CACNA1H: variants seen among roughly 807,000 people sequenced by gnomAD.
The protein encoded by CACNA1H is voltage-dependent T-type calcium channel subunit alpha-1H.
Under a neutral mutation model 192.5 loss-of-function variants are expected in CACNA1H, and 149 were observed. That is an observed-to-expected ratio of 0.77 (90% CI 0.68 to 0.89). The LOEUF is 0.89. Among genes scored for constraint, CACNA1H ranks in the 40% least tolerant of loss-of-function variants. CACNA1H has a pLI of 0.00. For synonymous variants in CACNA1H, 2,202 were observed against 1,475.2 expected (o/e 1.49, Z -11.29); for missense variants, 4,257 against 3,423.5 (o/e 1.24, Z -6.08).
chr16:1,179,437 C>A (rs1965241611), intron 2 of CACNA1H, among the ~76,000 whole-genome samples: 1 of 152,136 alleles, frequency 6.6e-6, no homozygotes, highest in Admixed American at 6.5e-5. Flanking sequence ...AGTGGCTGTT[C>A]CGTCCTCCTC....
intron 5 of CACNA1H, 126 bp from the exon 6 acceptor site, chr16:1,198,487 CAG>C (rs1967267677): frequency 2.1e-6 from 2 of 968,144 alleles, no homozygotes; most frequent in South Asian, 1.4e-5. Flanking sequence ...TGGCCCGAGT[CAG>C]TGTGCAGTGG....
chr16:1,217,109 T>TG (rs1487701342), intron 31 of CACNA1H, 99 bp downstream of exon 31: 1 of 1,077,966 alleles, frequency 9.3e-7, no homozygotes, highest in African/African-American at 1.6e-5. Flanking sequence ...GCAAATAGCG[T>TG]GGGGCCTGAT....
At chr16:1,201,179 G>A (rs908779269) in intron 8 of CACNA1H, among the ~76,000 whole-genome samples, 2 of 152,168 alleles carry the variant, frequency 1.3e-5, no homozygotes, top group African/African-American at 2.4e-5. Flanking sequence ...GGCCGCAGAC[G>A]TCTGTGGGGT....
intron 4 of CACNA1H, 35 bp from the exon 5 acceptor site, chr16:1,195,891 C>T (rs374374399): frequency 4.5e-6 from 7 of 1,553,188 alleles, no homozygotes; most frequent in Non-Finnish European, 6.2e-6. Context: ...ACCTGGGCTC[C>T]TTGTTGAGCT....
rs377037892 is a variant in CACNA1H, at chr16:1,154,982, G to A, written c.299+946G>A. 1.4e-4 allele frequency among the ~76,000 whole-genome samples: 22 copies of A among 152,310 alleles called. 1 individual carries two copies. Among genetic ancestry groups the A allele is most frequent in the African/African-American group, 4.6e-4 (19 of 41,560 alleles). The stretch of plus-strand genomic sequence containing the variant: ...GTGGCCAGGCCGTGGCTTCTGCTCC[G>A]GGCCTGGGGACGGGTGGAGAGACCC... On this transcript the variant is annotated intron_variant, in intron 2 of 34. Coordinates refer to ENST00000348261, the MANE Select transcript of CACNA1H (RefSeq NM_021098.3).
Position 1,192,649 on chromosome 16 carries a change from G to A in CACNA1H, c.300-2323G>A, listed in dbSNP as rs774549381. Among the ~76,000 whole-genome samples the A allele has an allele frequency of 1.4e-4, 22 of 152,304 alleles. 1 individual carries two copies. The highest frequency in any genetic ancestry group is 3.1e-4 in the Non-Finnish European group (21 of 68,018). The stretch of plus-strand genomic sequence containing the variant: ...GGCTGGGGGCCAGCTGGGGTACAGG[G>A]AGGGTGTGAAAGGCCTTGTGTCCAG... On this transcript the variant is annotated intron_variant, in intron 2 of 34. Transcript: ENST00000348261.
intron 8 of CACNA1H, among the ~76,000 whole-genome samples, chr16:1,201,446 C>T (rs572371059): frequency 2.0e-5 from 3 of 152,292 alleles, no homozygotes; most frequent in African/African-American, 4.8e-5. Flanking sequence ...GGTTCCAGGT[C>T]TTTTGTCCAG....
At chr16:1,209,540 C>T (rs1241844684) in intron 17 of CACNA1H, 128 bp downstream of exon 17, 3 of 1,130,632 alleles carry the variant, frequency 2.7e-6, no homozygotes, top group East Asian at 5.1e-5. Flanking sequence ...GGGAGAGAAG[C>T]AGGCCAGGCC....
chr16:1,207,045 CAG>C lies in CACNA1H; in HGVS notation c.2836_2837del (p.Asp946HisfsTer7). 1 of 1,602,194 alleles carries C rather than the reference CAG, an allele frequency of 6.2e-7. No individual in the cohort carries two copies. Among genetic ancestry groups the C allele is most frequent in the East Asian group, 2.3e-5 (1 of 44,386 alleles). Reference sequence around the variant, plus strand: ...TTCGGCTGCAAGTTCAGCCTGAAGACAGACACCGGAGACACCGTGCCTGACAG... The same window carrying C: ...TTCGGCTGCAAGTTCAGCCTGAAGACACACCGGAGACACCGTGCCTGACAG... On this transcript the variant is annotated frameshift_variant, in exon 13 of 35. Transcript: ENST00000348261. LOFTEE classifies it high-confidence loss of function.
At chr16:1,199,371 C>G (rs1211166027) in intron 6 of CACNA1H, among the ~76,000 whole-genome samples, 1 of 20,208 alleles carries the variant, frequency 4.9e-5, no homozygotes, top group Non-Finnish European at 1.0e-4. Context: ...GCCCCACCCC[C>G]ATCATGGCTC....
Position 1,198,647 on chromosome 16 carries a change from A to G in CACNA1H, c.676A>G (p.Thr226Ala). The stretch of plus-strand genomic sequence containing the variant: ...GATCCTGGTCACTCTGCTGCTGGAT[A>G]CGCTGCCCATGCTCGGGAACGTCCT... ...MRILVTLLLDTLPMLGNVLLL... is the reference protein window; with the variant it reads ...MRILVTLLLDALPMLGNVLLL... Residue 226 changes from threonine (T) to alanine (A), a missense_variant, in exon 6 of 35, where the codon ACG (threonine) becomes GCG (alanine). Thr to Ala is a moderately conservative substitution (Grantham distance 58, BLOSUM62 0). Transcript: ENST00000348261. 1 of 1,613,388 alleles carries G rather than the reference A, an allele frequency of 6.2e-7. No individual in the cohort carries two copies. The highest frequency in any genetic ancestry group is 8.5e-7 in the Non-Finnish European group (1 of 1,179,620).
chr16:1,165,504 G>T (rs963480089), intron 2 of CACNA1H, among the ~76,000 whole-genome samples: 1 of 152,056 alleles, frequency 6.6e-6, no homozygotes, highest in Non-Finnish European at 1.5e-5. Context: ...CTCACAGCCG[G>T]GGAGCTCCAG....
intron 2 of CACNA1H, among the ~76,000 whole-genome samples, chr16:1,168,201 C>A (rs74482996): frequency 2.0e-5 from 3 of 151,850 alleles, no homozygotes; most frequent in Non-Finnish European, 4.4e-5. Context: ...GATCCCCCCC[C>A]CCAAGTGACA....
chr16:1,190,243 C>T (rs757640378), intron 2 of CACNA1H, among the ~76,000 whole-genome samples: 1 of 152,256 alleles, frequency 6.6e-6, no homozygotes. Flanking sequence ...CTTCTCCGAC[C>T]CGCAGTGGAA....
In CACNA1H at chr16:1,206,146, G is replaced by A. The variant is rs774863183; in HGVS notation, c.2646G>A (p.Val882=). Residue 882 remains valine (V), a synonymous_variant, in exon 12 of 35, where the codon GTG becomes GTA. Transcript: ENST00000348261. ...GGCAGGCGGACGGTGGCTTGTCTGT[G>A]CTGCGCACCTTCCGGCTGCTGCGTG... ...IVGQADGGLS[V]LRTFRLLRVL... 5 of 1,586,690 alleles carry A rather than the reference G, an allele frequency of 3.2e-6. 1 individual carries two copies. In the South Asian group the frequency reaches 3.5e-5, roughly 11 times the overall value.
In CACNA1H at chr16:1,202,421, CGAGAA is replaced by C; in HGVS notation, c.1974_1978del (p.Glu658AspfsTer37). On this transcript the variant is annotated frameshift_variant, in exon 9 of 35. Coordinates refer to ENST00000348261, the MANE Select transcript of CACNA1H (RefSeq NM_021098.3). LOFTEE classifies it high-confidence loss of function. ...TGAGCTTGAACAGCCCTGATCCCTACGAGAAGATCCCGCATGTGGTCGGGGAGCAT... is the reference window on the plus strand; with the variant it reads ...TGAGCTTGAACAGCCCTGATCCCTACGATCCCGCATGTGGTCGGGGAGCAT... 4 of 1,514,954 alleles carry C rather than the reference CGAGAA, an allele frequency of 2.6e-6. No homozygotes were observed. The highest frequency in any genetic ancestry group is 3.5e-6 in the Non-Finnish European group (4 of 1,127,568). 93.8% of individuals were successfully genotyped at this position (1,514,954 alleles called of 1,614,324 possible). A position where few individuals can be genotyped will look rare whatever the true frequency, so the allele number is the denominator to read the frequency against.
At chr16:1,164,745 G>A (rs1341055236) in intron 2 of CACNA1H, among the ~76,000 whole-genome samples, 1 of 152,228 alleles carries the variant, frequency 6.6e-6, no homozygotes, top group African/African-American at 2.4e-5. Flanking sequence ...GGCCTCCTGG[G>A]GTTCTGTCGG....
At position 1,208,981 on chromosome 16, in the gene CACNA1H, G is replaced by T. The variant is rs1034211569; in HGVS notation, c.3364-51G>T. ...CAGTGGGTGCTCCGTAATGACAGCG[G>T]TCGGTGCTAATAGTGATGCCACCAG... is the stretch of plus-strand genomic sequence containing the variant. On this transcript the variant is annotated intron_variant, in intron 16 of 34. Coordinates refer to ENST00000348261, the MANE Select transcript of CACNA1H (RefSeq NM_021098.3). 76 of 1,408,022 alleles carry T rather than the reference G, an allele frequency of 5.4e-5. 1 individual carries two copies. In the African/African-American group the frequency reaches 1.1e-3, roughly 20 times the overall value. The allele number at this position is 1,408,022 out of a possible 1,614,324, so 87.2% of individuals were successfully genotyped here. A position where few individuals can be genotyped will look rare whatever the true frequency, so the allele number is the denominator to read the frequency against.
At chr16:1,155,279 G>C (rs933861806) in intron 2 of CACNA1H, among the ~76,000 whole-genome samples, 2 of 152,216 alleles carry the variant, frequency 1.3e-5, no homozygotes, top group African/African-American at 2.4e-5. Flanking sequence ...CCCCACACCC[G>C]CTGCCCGGGC....
Sources: gnomAD v4.1 joint callset for allele counts (sites outside exome capture counted in the v4.1 genomes callset) on GRCh38, gnomAD v4.1.1 for gene constraint, MANE v1.5 for transcripts, NCBI Gene and HGNC (gene_info 2026-07-23, HGNC 2026-07-21) for gene names.